The following CCDC7 variants were observed in gnomAD, a reference collection of about 807,000 sequenced individuals.
The protein encoded by CCDC7 is coiled-coil domain-containing protein 7.
A neutral mutation model predicts 196.9 loss-of-function variants in CCDC7; 183 were observed. The ratio of observed to expected loss-of-function variants is 0.93; its 90% CI spans 0.82 to 1.05. The LOEUF (loss-of-function observed/expected upper bound fraction) is 1.05. Ranked by LOEUF, CCDC7 falls within the 50% of genes least tolerant of loss-of-function variation. The pLI is 0.00. For synonymous variants in CCDC7, 525 were observed against 484.6 expected, an observed-to-expected ratio of 1.08 and a Z score of -1.10; for missense variants, 1,540 against 1,482.2, an observed-to-expected ratio of 1.04 and a Z score of -0.64.
At chr10:32,855,440 A>G (rs2093714778) in intron 41 of CCDC7, among the ~76,000 whole-genome samples, 2 of 152,186 alleles carry the variant, frequency 1.3e-5, no homozygotes, top group African/African-American at 4.8e-5. Flanking sequence ...GGTAGCCCTA[A>G]GCTTGTTTTC....
chr10:32,481,715 T>A (rs2039994492), intron 8 of CCDC7: 1 of 152,224 alleles, frequency 6.6e-6, no homozygotes, highest in Non-Finnish European at 1.5e-5. Flanking sequence ...AGCCTGATGA[T>A]GATGAACTCC....
intron 33 of CCDC7, among the ~76,000 whole-genome samples, chr10:32,845,021 C>T (rs1190271152): frequency 1.3e-5 from 2 of 151,154 alleles, no homozygotes; most frequent in South Asian, 2.1e-4. Flanking sequence ...ATTTAAATGT[C>T]ACCAAGGTAA....
chr10:32,545,085 A>G (rs2052189831), intron 13 of CCDC7, among the ~76,000 whole-genome samples: 1 of 152,196 alleles, frequency 6.6e-6, no homozygotes, highest in Non-Finnish European at 1.5e-5. Context: ...ATTTAATGCA[A>G]CGTTATTTCT....
chr10:32,684,245 T>A (rs2076208746), intron 21 of CCDC7, among the ~76,000 whole-genome samples: 1 of 152,162 alleles, frequency 6.6e-6, no homozygotes. Flanking sequence ...CCTGCCTCCC[T>A]TCTTGGCAGA....
At chr10:32,727,681 G>A (rs1410059334) in intron 26 of CCDC7, among the ~76,000 whole-genome samples, 2 of 152,058 alleles carry the variant, frequency 1.3e-5, no homozygotes, top group Non-Finnish European at 2.9e-5. Context: ...GCCATAAATT[G>A]CTTTTGTACC....
chr10:32,709,000 T>A (rs2080315867), intron 24 of CCDC7, among the ~76,000 whole-genome samples: 1 of 152,210 alleles, frequency 6.6e-6, no homozygotes, highest in African/African-American at 2.4e-5. Flanking sequence ...TAAATCATGC[T>A]ACTGTAAAGA....
rs189270787 is a variant in CCDC7 at position 32,716,142 on chromosome 10, G to T, written c.2569+4412G>T. 1.9e-3 allele frequency among the ~76,000 whole-genome samples: 296 copies of T among 152,238 alleles called. 1 individual carries two copies. The highest frequency in any genetic ancestry group is 6.8e-3 in the Middle Eastern group (2 of 294). On this transcript the variant is annotated intron_variant, in intron 25 of 41. Coordinates refer to ENST00000639629, the Ensembl canonical transcript of CCDC7. ...TGAAATGAAGGAAAAAATGTTAAGG[G>T]CAGCCAGAGAGAAAGGTCAGGTTAC... is the stretch of plus-strand genomic sequence containing the variant.
rs571050283 is a variant in CCDC7 at position 32,470,526 on chromosome 10, G to C, written c.511-538G>C. The stretch of plus-strand genomic sequence containing the variant: ...GTGAATCTTGCTGTTTCTTTCCACG[G>C]CTTGTTATTTTTTAGCTTGATCTAT... On this transcript the variant is annotated intron_variant, in intron 5 of 41. Transcript: ENST00000639629. 5.9e-5 allele frequency among the ~76,000 whole-genome samples: 9 copies of C among 152,036 alleles called. No homozygotes were observed. In the South Asian group the frequency reaches 1.9e-3, roughly 32 times the overall value.
intron 32 of CCDC7, among the ~76,000 whole-genome samples, chr10:32,826,057 C>A: frequency 6.6e-6 from 1 of 152,184 alleles, no homozygotes; most frequent in Non-Finnish European, 1.5e-5. Context: ...GAGATAAACT[C>A]TGTGCTGCCT....
At chr10:32,635,584 A>G (rs2065496612) in intron 20 of CCDC7, among the ~76,000 whole-genome samples, 1 of 152,174 alleles carries the variant, frequency 6.6e-6, no homozygotes, top group African/African-American at 2.4e-5. Context: ...CAGGAATTCA[A>G]GACCAGCCTG....
chr10:32,460,616 T>C lies in CCDC7; in HGVS notation c.457-2067T>C, dbSNP rs376457662. ...AGTTATTCCTAGGTATAATGTGCTT[T>C]AGTGGACATTATTTCTAAACACTTA... On this transcript the variant is annotated intron_variant, in intron 3 of 41. Transcript: ENST00000639629. Among the ~76,000 whole-genome samples the C allele has an allele frequency of 8.3e-3, 464 of 56,226 alleles. 3 individuals are homozygous for C. Among genetic ancestry groups the C allele is most frequent in the South Asian group, 0.034 (45 of 1,314 alleles). 36.9% of individuals were successfully genotyped at this position (56,226 alleles called of 152,430 possible). A position where few individuals can be genotyped will look rare whatever the true frequency, so the allele number is the denominator to read the frequency against.
At chr10:32,749,069 G>A (rs1251501450) in intron 28 of CCDC7, among the ~76,000 whole-genome samples, 1 of 152,154 alleles carries the variant, frequency 6.6e-6, no homozygotes, top group East Asian at 1.9e-4. Context: ...TGCAATTCAG[G>A]TTTTCTTATC....
intron 16 of CCDC7, among the ~76,000 whole-genome samples, chr10:32,576,697 T>C (rs541261007): frequency 6.6e-6 from 1 of 152,018 alleles, no homozygotes; most frequent in African/African-American, 2.4e-5. Flanking sequence ...ACCACAGGCA[T>C]GCATCACCAT....
intron 3 of CCDC7, among the ~76,000 whole-genome samples, chr10:32,457,870 T>A (rs1427067829): frequency 4.6e-5 from 7 of 151,574 alleles, no homozygotes; most frequent in Admixed American, 2.6e-4. Context: ...TATTTTAAAA[T>A]CAGTTTTTTT....
chr10:32,592,222 T>G (rs2059845892), intron 18 of CCDC7, among the ~76,000 whole-genome samples: 1 of 152,144 alleles, frequency 6.6e-6, no homozygotes, highest in Non-Finnish European at 1.5e-5. Flanking sequence ...TCATTTTAGT[T>G]GAGTCTTCTC....
chr10:32,773,525 A>G (rs534066883), intron 28 of CCDC7, among the ~76,000 whole-genome samples: 38 of 152,068 alleles, frequency 2.5e-4, no homozygotes, highest in African/African-American at 7.9e-4. Context: ...GTCTTAAAAA[A>G]TTGTTTCTAT....
chr10:32,637,630 T>C (rs1278705325), intron 20 of CCDC7, among the ~76,000 whole-genome samples: 1 of 152,222 alleles, frequency 6.6e-6, no homozygotes, highest in African/African-American at 2.4e-5. Flanking sequence ...TTGGTTACTG[T>C]AGCCTTGTAG....
chr10:32,690,326 ATAT>A (rs1334264599), intron 23 of CCDC7, among the ~76,000 whole-genome samples: 1 of 152,204 alleles, frequency 6.6e-6, no homozygotes, highest in African/African-American at 2.4e-5. Context: ...TTGATGACAG[ATAT>A]TAGAGCAGTT....
intron 28 of CCDC7, among the ~76,000 whole-genome samples, chr10:32,739,668 C>A (rs957857429): frequency 6.8e-6 from 1 of 147,544 alleles, no homozygotes; most frequent in Non-Finnish European, 1.5e-5. Flanking sequence ...TTTTTTTTTA[C>A]TTTTAGCATG....
Sources: gnomAD v4.1 joint callset for allele counts (sites outside exome capture counted in the v4.1 genomes callset) on GRCh38, gnomAD v4.1.1 for gene constraint, MANE v1.5 for transcripts, NCBI Gene and HGNC (gene_info 2026-07-23, HGNC 2026-07-21) for gene names.